The following TST variants were observed in gnomAD, a reference collection of about 807,000 sequenced individuals.
TST encodes the protein epididymis secretory sperm binding protein.
A neutral mutation model predicts 20.4 loss-of-function variants in TST; 22 were observed. That is an observed-to-expected ratio of 1.08 (90% CI 0.77 to 1.54). The LOEUF (loss-of-function observed/expected upper bound fraction) is 1.54, where lower values mean the gene tolerates loss of function less well. Among genes scored for constraint, TST ranks in the 40% most tolerant of loss-of-function variants. TST has a pLI of 0.00. For synonymous variants in TST, 187 were observed against 173.8 expected, an observed-to-expected ratio of 1.08 and a Z score of -0.60; for missense variants, 392 against 405.2, an observed-to-expected ratio of 0.97 and a Z score of 0.28.
intron 2 of TST, among the ~76,000 whole-genome samples, chr22:37,015,662 T>A (rs9622533): frequency 0.11 from 17,044 of 152,284 alleles, 1,169 homozygotes; most frequent in Non-Finnish European, 0.16. Context: ...CTTCCAGAGA[T>A]GATCAGGGCC....
chr22:37,014,713 C>G (rs1922611596), intron 2 of TST, among the ~76,000 whole-genome samples: 1 of 152,182 alleles, frequency 6.6e-6, no homozygotes, highest in African/African-American at 2.4e-5. Flanking sequence ...CTTTGACCAC[C>G]CTGAGCCTCC....
At chr22:37,014,091 C>T (rs1303954064) in intron 2 of TST, among the ~76,000 whole-genome samples, 4 of 106 alleles carry the variant, frequency 0.038, no homozygotes, top group Admixed American at 0.21. Context: ...TGGCCGGGCG[C>T]GGTGGCTACG....
In TST at chr22:37,018,279, C is replaced by A. The variant is rs759704785; in HGVS notation, c.454G>T (p.Val152Phe). ...GAGCGGTCCAGTGTGGCTTTGAAGA[C>A]GGCCGGTTCTGGGCGTGAGGGCTCG... ...TSEPSRPEPA[V>F]FKATLDRSLL... Residue 152 changes from valine to phenylalanine, a missense_variant, in exon 2 of 3, where the codon GTC becomes TTC. Physicochemically the swap from Val to Phe is conservative, Grantham distance 50. Transcript: ENST00000249042. 76 of 1,614,108 alleles carry A rather than the reference C, an allele frequency of 4.7e-5. No homozygotes were observed. The East Asian group carries it at 1.7e-3, about 36-fold the overall frequency.
Position 37,018,448 on chromosome 22 carries a change from GTGCGTGTGGTTGCTGA to G in TST, c.269_284del (p.Ile90ThrfsTer41). ...GGTGTTCACCATCATACACCACCAC[GTGCGTGTGGTTGCTGA>G]TGCCCAGGCGGCCCACATACTCGGC... On this transcript the variant is annotated frameshift_variant, in exon 2 of 3. Transcript: ENST00000249042. LOFTEE classifies it high-confidence loss of function. 1 of 1,613,136 alleles carries G rather than the reference GTGCGTGTGGTTGCTGA, an allele frequency of 6.2e-7. No homozygotes were observed. The highest frequency in any genetic ancestry group is 1.1e-5 in the South Asian group (1 of 91,050).
intron 2 of TST, among the ~76,000 whole-genome samples, chr22:37,012,607 G>T (rs894001737): frequency 6.6e-6 from 1 of 152,212 alleles, no homozygotes; most frequent in Admixed American, 6.5e-5. Context: ...ATTCAACCTG[G>T]ATTATGGGAC....
At position 37,018,653 on chromosome 22, in the gene TST, G is replaced by A; in HGVS notation, c.80C>T (p.Pro27Leu). 18 of 1,562,578 alleles carry A rather than the reference G, an allele frequency of 1.2e-5. No homozygotes were observed. Among genetic ancestry groups the A allele is most frequent in the Non-Finnish European group, 1.6e-5 (18 of 1,154,212 alleles). Residue 27 changes from proline to leucine, a missense_variant, in exon 2 of 3, where the codon CCC becomes CTC. By Grantham distance (98) the Pro-to-Leu change is moderately conservative. Transcript: ENST00000249042. ...AESIRTGKLG[P>L]GLRVLDASWY... Reference sequence around the variant, plus strand: ...GGACGCGTCCAGCACCCGCAGGCCGGGCCCCAGCTTGCCAGTCCTGATGGA... The same window carrying A: ...GGACGCGTCCAGCACCCGCAGGCCGAGCCCCAGCTTGCCAGTCCTGATGGA...
At chr22:37,011,450 T>G in intron 2 of TST, 125 bp from the exon 3 acceptor site, 1 of 1,093,064 alleles carries the variant, frequency 9.1e-7, no homozygotes, top group Non-Finnish European at 1.3e-6. Context: ...ACATCTTTGC[T>G]CTGCTTGGAG....
At chr22:37,018,033 AT>A in intron 2 of TST, 104 bp downstream of exon 2, 1 of 834,498 alleles carries the variant, frequency 1.2e-6, no homozygotes, top group Non-Finnish European at 1.8e-6. Context: ...ACATGGGAGG[AT>A]TGAAGGCATG....
At chr22:37,013,358 T>C (rs1601445840) in intron 2 of TST, 1 of 151,916 alleles carries the variant, frequency 6.6e-6, no homozygotes, top group East Asian at 1.9e-4. Context: ...CTTACATCTG[T>C]AATCCCAGCA....
Position 37,018,444 on chromosome 22 carries a change from C to T in TST, c.289G>A (p.Val97Met), listed in dbSNP as rs1922792171. Reference protein sequence around the residue: ...RLGISNHTHVVVYDGEHLGSF... With the variant: ...RLGISNHTHVMVYDGEHLGSF... ...CCCAGGTGTTCACCATCATACACCACCACGTGCGTGTGGTTGCTGATGCCC... is the reference window on the plus strand; with the variant it reads ...CCCAGGTGTTCACCATCATACACCATCACGTGCGTGTGGTTGCTGATGCCC... Residue 97 changes from valine (V) to methionine (M), a missense_variant, in exon 2 of 3, where the codon GTG becomes ATG. Physicochemically the swap from Val to Met is conservative, Grantham distance 21 (BLOSUM62 1). Transcript: ENST00000249042. The T allele has an allele frequency of 1.2e-6, 2 of 1,613,214 alleles. No individual in the cohort carries two copies. Among genetic ancestry groups the T allele is most frequent in the African/African-American group, 2.7e-5 (2 of 74,928 alleles).
At position 37,011,071 on chromosome 22, in the gene TST, G is replaced by A; in HGVS notation, c.850C>T (p.Pro284Ser). 1 of 1,612,178 alleles carries A rather than the reference G, an allele frequency of 6.2e-7. No individual in the cohort carries two copies. The highest frequency in any genetic ancestry group is 8.5e-7 in the Non-Finnish European group (1 of 1,179,874). Residue 284 changes from proline (P) to serine (S), a missense_variant, in exon 3 of 3, where the codon CCC (proline) becomes TCC (serine). Coordinates refer to ENST00000249042, the MANE Select transcript of TST (RefSeq NM_003312.6). ...GSWSEWFRRA[P>S]PESRVSQGKS... ...CCCTGGGACACACGGCTCTCTGGGG[G>A]GGCCCGGCGAAACCACTCGGACCAG...
intron 2 of TST, among the ~76,000 whole-genome samples, chr22:37,015,229 G>A (rs1922634113): frequency 6.6e-6 from 1 of 152,234 alleles, no homozygotes; most frequent in Non-Finnish European, 1.5e-5. Context: ...TCCCCTTGCA[G>A]GGCTGCTGTA....
upstream of TST, chr22:37,019,830 G>A (rs549877335): frequency 9.1e-6 from 11 of 1,205,000 alleles, no homozygotes; most frequent in Non-Finnish European, 1.1e-5. Flanking sequence ...GCCGCGCCGC[G>A]GGGGCCATGG....
In TST at chr22:37,018,537, C is replaced by CGTAGGG; in HGVS notation, c.195_196insCCCTAC (p.Arg65_Asp66insProTyr). 6.3e-7 allele frequency: 1 copy of CGTAGGG among 1,582,362 alleles called. No homozygotes were observed. ...ATCATCTCGTAGGGCGACGCCGTGT[C>CGTAGGG]CCGGCACTCTTCTATGTCAAAGAAA... On this transcript the variant is annotated inframe_insertion, in exon 2 of 3. Coordinates refer to ENST00000249042, the MANE Select transcript of TST (RefSeq NM_003312.6).
At chr22:37,018,903 C>A in intron 1 of TST, 150 bp from the exon 2 acceptor site, 1 of 550,644 alleles carries the variant, frequency 1.8e-6, no homozygotes, top group Non-Finnish European at 2.9e-6. Context: ...GGGCGTGCAG[C>A]GGGATAAGTT....
rs1169294343 is a variant in TST at position 37,018,185 on chromosome 22, C to T, written c.548G>A (p.Arg183Lys). Reference protein sequence around the residue: ...ESKRFQLVDSRSQGRFLGTEP... With the variant: ...ESKRFQLVDSKSQGRFLGTEP... ...GGTGCCCAGGAACCGCCCTTGAGAC[C>T]TTGAATCCACCAGCTGGAACCTCTT... Residue 183 changes from arginine (R) to lysine (K), a missense_variant, in exon 2 of 3, where the codon AGG becomes AAG. Arg to Lys is a conservative substitution (Grantham distance 26). Transcript: ENST00000249042. 3 of 1,604,638 alleles carry T rather than the reference C, an allele frequency of 1.9e-6. No homozygotes were observed. The Admixed American group carries it at 5.1e-5, about 27-fold the overall frequency.
Position 37,018,392 on chromosome 22 carries a change from C to T in TST, c.341G>A (p.Trp114Ter). 2 of 1,613,912 alleles carry T rather than the reference C, an allele frequency of 1.2e-6. No individual in the cohort carries two copies. Among genetic ancestry groups the T allele is most frequent in the Middle Eastern group, 3.3e-4 (2 of 6,062 alleles). ...GCGGTGGCCAAACACACGGAACATC[C>T]ACCAGACCCGGGGAGCATAGAAGCT... ...LGSFYAPRVW[W>*]MFRVFGHRTV... is the part of the protein sequence containing the mutation. The change falls in exon 2 of 3, where the codon TGG (tryptophan) becomes TAG (stop). Residue 114 changes from tryptophan to a stop codon, truncating the protein, a stop_gained. Transcript: ENST00000249042. LOFTEE classifies it high-confidence loss of function.
At chr22:37,016,431 A>G (rs1033420796) in intron 2 of TST, among the ~76,000 whole-genome samples, 1 of 152,098 alleles carries the variant, frequency 6.6e-6, no homozygotes, top group Admixed American at 6.5e-5. Flanking sequence ...GGAGGTGTGA[A>G]CACAATTACA....
intron 1 of TST, 154 bp from the exon 2 acceptor site, chr22:37,018,907 ATAAGT>A (rs1327490020): frequency 9.3e-6 from 5 of 537,422 alleles, no homozygotes; most frequent in African/African-American, 7.7e-5. Flanking sequence ...GTGCAGCGGG[ATAAGT>A]TTGCAGATTC....
Sources: allele counts gnomAD v4.1 joint callset (sites outside exome capture counted in the v4.1 genomes callset), GRCh38; gene constraint gnomAD v4.1.1; transcripts MANE v1.5; gene names NCBI Gene and HGNC (gene_info 2026-07-23, HGNC 2026-07-21).